The following SH3RF3 variants were observed in gnomAD, a reference collection of about 807,000 sequenced individuals.
SH3RF3 encodes SH3 domain containing ring finger 3.
In SH3RF3, 29 loss-of-function variants were observed where a neutral mutation model predicts 66.3. The ratio of observed to expected loss-of-function variants is 0.44; its 90% CI spans 0.33 to 0.60. SH3RF3 has a LOEUF of 0.60. SH3RF3 is among the 20% of genes least tolerant of loss of function. The probability of loss-of-function intolerance (pLI) is 0.04; values close to 1 mark genes in which losing one functional copy is unlikely to be tolerated. For synonymous variants in SH3RF3, 583 were observed against 532.0 expected, an observed-to-expected ratio of 1.10 and a Z score of -1.32; for missense variants, 1,194 against 1,190.9, an observed-to-expected ratio of 1.00 and a Z score of -0.04.
chr2:109,266,686 A>G (rs1267409073), intron 1 of SH3RF3, among the ~76,000 whole-genome samples: 2 of 152,042 alleles, frequency 1.3e-5, no homozygotes, highest in Admixed American at 1.3e-4. Context: ...GCTCAGCCAC[A>G]GATTGGGAAG....
chr2:109,216,993 C>T (rs1223695958), intron 1 of SH3RF3, among the ~76,000 whole-genome samples: 1 of 152,172 alleles, frequency 6.6e-6, no homozygotes, highest in East Asian at 1.9e-4. Context: ...TACTTTGTTT[C>T]TTTGAATTTG....
intron 1 of SH3RF3, among the ~76,000 whole-genome samples, chr2:109,210,670 A>T (rs1678951738): frequency 1.3e-5 from 2 of 151,842 alleles, no homozygotes; most frequent in Non-Finnish European, 2.9e-5. Flanking sequence ...TGATGAGCTT[A>T]CTCCAGGTGG....
chr2:109,192,169 C>T (rs1678383830), intron 1 of SH3RF3, among the ~76,000 whole-genome samples: 1 of 152,162 alleles, frequency 6.6e-6, no homozygotes, highest in Non-Finnish European at 1.5e-5. Context: ...TTCGGTTCTA[C>T]ATATGGCACT....
chr2:109,237,050 C>T (rs1423411093), intron 1 of SH3RF3, among the ~76,000 whole-genome samples: 1 of 152,138 alleles, frequency 6.6e-6, no homozygotes, highest in African/African-American at 2.4e-5. Context: ...AAAGCAGTGA[C>T]ATCATCTCAC....
chr2:109,399,052 A>T (rs1676234769), intron 4 of SH3RF3, 109 bp downstream of exon 4: 1 of 1,264,924 alleles, frequency 7.9e-7, no homozygotes, highest in Non-Finnish European at 1.1e-6. Flanking sequence ...CCGCCCCAGA[A>T]CTGCCTTTTG....
chr2:109,466,230 G>A (rs1323935025), intron 8 of SH3RF3, among the ~76,000 whole-genome samples: 12 of 151,766 alleles, frequency 7.9e-5, no homozygotes, highest in Non-Finnish European at 1.0e-4. Flanking sequence ...CTACAGGCGC[G>A]TGCCACCACA....
At chr2:109,305,246 C>T (rs1277739754) in intron 1 of SH3RF3, among the ~76,000 whole-genome samples, 1 of 152,130 alleles carries the variant, frequency 6.6e-6, no homozygotes, top group Non-Finnish European at 1.5e-5. Context: ...GACGGTTTCC[C>T]CCTGGGAAGT....
At chr2:109,489,464 G>A (rs1055562356) in intron 8 of SH3RF3, among the ~76,000 whole-genome samples, 16 of 152,356 alleles carry the variant, frequency 1.1e-4, no homozygotes, top group Non-Finnish European at 7.3e-5. Context: ...ATCAGGAACC[G>A]TGTCACCTGT....
chr2:109,494,558 G>T (rs1437941515), intron 9 of SH3RF3, among the ~76,000 whole-genome samples: 1 of 152,178 alleles, frequency 6.6e-6, no homozygotes, highest in Non-Finnish European at 1.5e-5. Context: ...TTACTTCCAG[G>T]CTTACTTTGG....
chr2:109,209,640 T>C (rs1432596988), intron 1 of SH3RF3, among the ~76,000 whole-genome samples: 1 of 152,140 alleles, frequency 6.6e-6, no homozygotes, highest in Non-Finnish European at 1.5e-5. Flanking sequence ...GGAGAAACGC[T>C]GTGAATCAGT....
intron 8 of SH3RF3, among the ~76,000 whole-genome samples, chr2:109,486,664 G>A (rs956350291): frequency 5.9e-5 from 9 of 152,094 alleles, no homozygotes; most frequent in Non-Finnish European, 1.0e-4. Flanking sequence ...ATGCAGAGCC[G>A]GGCCTTCACC....
chr2:109,260,096 A>C (rs1023399024), intron 1 of SH3RF3, among the ~76,000 whole-genome samples: 5 of 152,130 alleles, frequency 3.3e-5, no homozygotes, highest in Non-Finnish European at 7.4e-5. Context: ...TTGAGAGTAG[A>C]GAGGCTCTCT....
chr2:109,288,644 A>C (rs1308351755), intron 1 of SH3RF3, among the ~76,000 whole-genome samples: 1 of 152,200 alleles, frequency 6.6e-6, no homozygotes, highest in Non-Finnish European at 1.5e-5. Flanking sequence ...TCACCCAAGG[A>C]GACTGACTTC....
At chr2:109,472,915 A>G (rs1248755433) in intron 8 of SH3RF3, among the ~76,000 whole-genome samples, 1 of 152,148 alleles carries the variant, frequency 6.6e-6, no homozygotes, top group African/African-American at 2.4e-5. Flanking sequence ...TGTCTGTCCT[A>G]CCTTTGGCCT....
At chr2:109,431,630 G>A (rs1323906187) in intron 5 of SH3RF3, among the ~76,000 whole-genome samples, 2 of 152,168 alleles carry the variant, frequency 1.3e-5, no homozygotes, top group African/African-American at 4.8e-5. Flanking sequence ...CCAGCACTTT[G>A]GGAGGCTGAA....
intron 9 of SH3RF3, among the ~76,000 whole-genome samples, chr2:109,495,787 G>T (rs565335797): frequency 8.1e-4 from 124 of 152,200 alleles, no homozygotes; most frequent in African/African-American, 2.7e-3. Context: ...CACTGCACCT[G>T]GCCCCCTTTC....
chr2:109,249,520 T>TC (rs55642247), intron 1 of SH3RF3, among the ~76,000 whole-genome samples: 35 of 5,220 alleles, frequency 6.7e-3, no homozygotes, highest in Admixed American at 0.015. Flanking sequence ...ATTCTTTCTT[T>TC]TTCTTTCTTT....
chr2:109,215,644 T>C (rs1679087295), intron 1 of SH3RF3, among the ~76,000 whole-genome samples: 1 of 152,158 alleles, frequency 6.6e-6, no homozygotes, highest in Non-Finnish European at 1.5e-5. Context: ...GGAAGGGTGC[T>C]GGGCTCTCAC....
chr2:109,366,672 G>A (rs964822368), intron 2 of SH3RF3, among the ~76,000 whole-genome samples: 2 of 152,136 alleles, frequency 1.3e-5, no homozygotes, highest in Admixed American at 6.5e-5. Context: ...AGCATAGTGA[G>A]ACCTTGTCTC....
Sources: allele counts gnomAD v4.1 joint callset (sites outside exome capture counted in the v4.1 genomes callset), GRCh38; gene constraint gnomAD v4.1.1; transcripts MANE v1.5; gene names NCBI Gene and HGNC (gene_info 2026-07-23, HGNC 2026-07-21).